The following STRN3 variants were observed in gnomAD, a reference collection of about 807,000 sequenced individuals.
STRN3 encodes striatin-3.
A neutral mutation model predicts 95.6 loss-of-function variants in STRN3; 29 were observed. The ratio of observed to expected loss-of-function variants is 0.30; its 90% CI spans 0.23 to 0.41. The LOEUF (loss-of-function observed/expected upper bound fraction) is 0.41, where lower values mean the gene tolerates loss of function less well. STRN3 is among the 10% of genes least tolerant of loss of function. The pLI, the probability that STRN3 is intolerant of heterozygous loss-of-function variation, is 1.00. For synonymous variants in STRN3, 331 were observed against 357.6 expected, an observed-to-expected ratio of 0.93 and a Z score of 0.84; for missense variants, 890 against 972.1, an observed-to-expected ratio of 0.92 and a Z score of 1.12.
At chr14:30,980,319 T>A (rs1336627737) in intron 1 of STRN3, among the ~76,000 whole-genome samples, 1 of 152,146 alleles carries the variant, frequency 6.6e-6, no homozygotes, top group Admixed American at 6.5e-5. Context: ...CCACTAGAGG[T>A]CACCAGCGTA....
At chr14:30,915,185 T>C (rs1475730852) in intron 9 of STRN3, among the ~76,000 whole-genome samples, 1 of 152,066 alleles carries the variant, frequency 6.6e-6, no homozygotes, top group Non-Finnish European at 1.5e-5. Context: ...AAAAATGATA[T>C]AAATATGCTA....
chr14:30,929,205 C>A lies in STRN3; in HGVS notation c.1095G>T (p.Val365=). The change falls in exon 8 of 18, where the codon GTG becomes GTT. Residue 365 remains valine (V), a synonymous_variant. Transcript: ENST00000357479. The part of the protein sequence containing the change: ...YKKERKGKKG[V]KRANRTKLYD... ...ATAGTCAGAATCTGCACTTACTCTT[C>A]ACCCCTTTCTTCCCCTTTCGTTCCT... is the stretch of plus-strand genomic sequence containing the variant. 1 of 1,607,592 alleles carries A rather than the reference C, an allele frequency of 6.2e-7. No individual in the cohort carries two copies. The highest frequency in any genetic ancestry group is 8.5e-7 in the Non-Finnish European group (1 of 1,177,294).
rs1326175843 is a variant in STRN3, at chr14:30,894,451, G to C, written c.*960C>G. ...CAACAAAAAGTGAAATAAATAATAG[G>C]CCATTAGCAAGATGGATAATCCTTG... On this transcript the variant is annotated 3_prime_UTR_variant, in exon 18 of 18. Coordinates refer to ENST00000357479, the MANE Select transcript of STRN3 (RefSeq NM_001083893.2). 2.0e-5 allele frequency: 3 copies of C among 152,504 alleles called. No individual in the cohort carries two copies. Among genetic ancestry groups the C allele is most frequent in the Non-Finnish European group, 4.4e-5 (3 of 68,038 alleles). The allele number at this position is 152,504 out of a possible 1,614,324, so 9.4% of individuals were successfully genotyped here.
chr14:30,901,696 A>G (rs1328016281), intron 16 of STRN3, among the ~76,000 whole-genome samples: 1 of 152,194 alleles, frequency 6.6e-6, no homozygotes, highest in East Asian at 1.9e-4. Flanking sequence ...TAGATAAAAA[A>G]GAGGCCCAAA....
At chr14:30,973,274 AT>A (rs202239868) in intron 1 of STRN3, among the ~76,000 whole-genome samples, 2 of 140,298 alleles carry the variant, frequency 1.4e-5, no homozygotes, top group East Asian at 2.1e-4. Context: ...GAAAAAAAAA[AT>A]TATTGAAAGC....
At chr14:30,986,034 C>A (rs908789033) in intron 1 of STRN3, among the ~76,000 whole-genome samples, 3 of 151,990 alleles carry the variant, frequency 2.0e-5, no homozygotes, top group South Asian at 2.1e-4. Context: ...GATGGGAAAC[C>A]TAGGGAAGGA....
Position 31,025,890 on chromosome 14 carries a change from C to A in STRN3, c.282+14G>T. Reference sequence around the variant, plus strand: ...AGCCGCCGCAGCTCCCGCACACCGACCCCAACGAGGTACCTGCAGTTCGGC... The same window carrying A: ...AGCCGCCGCAGCTCCCGCACACCGAACCCAACGAGGTACCTGCAGTTCGGC... On this transcript the variant is annotated intron_variant, in intron 1 of 17. Coordinates refer to ENST00000357479, the MANE Select transcript of STRN3 (RefSeq NM_001083893.2). The A allele has an allele frequency of 1.3e-6, 2 of 1,596,168 alleles. No individual in the cohort carries two copies. The highest frequency in any genetic ancestry group is 1.7e-6 in the Non-Finnish European group (2 of 1,172,438).
At chr14:30,908,121 T>C (rs77632118) in intron 13 of STRN3, among the ~76,000 whole-genome samples, 10,604 of 152,224 alleles carry the variant, frequency 0.07, 450 homozygotes, top group Non-Finnish European at 0.091. Context: ...CAAAGGCTAA[T>C]ACCAGATGTC....
chr14:30,984,246 AAGAAAAGG>A (rs1163030142), intron 1 of STRN3, among the ~76,000 whole-genome samples: 1 of 144,442 alleles, frequency 6.9e-6, no homozygotes, highest in Non-Finnish European at 1.5e-5. Context: ...CAGGCAAAGA[AAGAAAAGG>A]ATGAGGAATT....
At chr14:30,913,482 T>C (rs1896660599) in intron 10 of STRN3, 42 bp downstream of exon 10, 5 of 1,519,478 alleles carry the variant, frequency 3.3e-6, no homozygotes, top group Non-Finnish European at 3.5e-6. Flanking sequence ...TAAGGAGCCT[T>C]CTATTAAATC....
At chr14:30,941,666 C>T (rs1481447223) in intron 5 of STRN3, among the ~76,000 whole-genome samples, 2 of 152,102 alleles carry the variant, frequency 1.3e-5, no homozygotes, top group African/African-American at 4.8e-5. Context: ...CCCTTTGTCA[C>T]CCAGGCTGGA....
intron 8 of STRN3, among the ~76,000 whole-genome samples, chr14:30,919,882 T>C (rs1896837947): frequency 6.6e-6 from 1 of 152,132 alleles, no homozygotes; most frequent in African/African-American, 2.4e-5. Context: ...AACTCTGAAC[T>C]TTAGAAATAG....
At chr14:30,973,692 C>A (rs567636011) in intron 1 of STRN3, among the ~76,000 whole-genome samples, 3 of 152,288 alleles carry the variant, frequency 2.0e-5, no homozygotes, top group African/African-American at 7.2e-5. Context: ...CAATCAACAT[C>A]CCCTGTGAAC....
At chr14:30,980,375 C>T (rs199679656) in intron 1 of STRN3, among the ~76,000 whole-genome samples, 2 of 152,124 alleles carry the variant, frequency 1.3e-5, no homozygotes, top group Non-Finnish European at 2.9e-5. Context: ...AAAAGTTCAA[C>T]TACTATTCTG....
At chr14:30,923,368 T>C (rs954595412) in intron 8 of STRN3, among the ~76,000 whole-genome samples, 2 of 152,192 alleles carry the variant, frequency 1.3e-5, no homozygotes, top group African/African-American at 4.8e-5. Flanking sequence ...TTATGATTTA[T>C]ATTAAAAGAA....
intron 1 of STRN3, among the ~76,000 whole-genome samples, chr14:31,022,137 T>C (rs1168104977): frequency 6.6e-6 from 1 of 152,076 alleles, no homozygotes; most frequent in African/African-American, 2.4e-5. Context: ...CCCAGCACTT[T>C]GGGAGGCCAA....
At chr14:30,965,246 T>C (rs1459245482) in intron 1 of STRN3, among the ~76,000 whole-genome samples, 3 of 152,188 alleles carry the variant, frequency 2.0e-5, no homozygotes, top group Admixed American at 6.5e-5. Flanking sequence ...TAAACTGTTA[T>C]AATGAAATTA....
chr14:30,980,689 C>A (rs1881353011), intron 1 of STRN3, among the ~76,000 whole-genome samples: 1 of 152,110 alleles, frequency 6.6e-6, no homozygotes. Flanking sequence ...GCGTGACCCA[C>A]CGCACCCGGC....
intron 10 of STRN3, chr14:30,912,412 T>C (rs988789195): frequency 2.8e-6 from 1 of 358,658 alleles, no homozygotes; most frequent in Non-Finnish European, 4.9e-6. Context: ...AAATGAAGAG[T>C]TCCTTAATCT....
Sources: allele counts gnomAD v4.1 joint callset (sites outside exome capture counted in the v4.1 genomes callset), GRCh38; gene constraint gnomAD v4.1.1; transcripts MANE v1.5; gene names NCBI Gene and HGNC (gene_info 2026-07-23, HGNC 2026-07-21).